ST6GALNAC3: variants seen among roughly 807,000 people sequenced by gnomAD.
The protein encoded by ST6GALNAC3 is alpha-N-acetylgalactosaminide alpha-2,6-sialyltransferase 3.
ST6GALNAC3 carries 25 observed loss-of-function variants against 32.7 expected under a neutral mutation model. The observed-to-expected ratio is 0.76, with a 90% CI of 0.56 to 1.07. The LOEUF (loss-of-function observed/expected upper bound fraction) is 1.07. ST6GALNAC3 is among the 50% of genes least tolerant of loss of function. The probability of loss-of-function intolerance (pLI) is 0.00; values close to 1 mark genes in which losing one functional copy is unlikely to be tolerated. For synonymous variants in ST6GALNAC3, 129 were observed against 133.1 expected, an observed-to-expected ratio of 0.97 and a Z score of 0.21; for missense variants, 355 against 382.4, an observed-to-expected ratio of 0.93 and a Z score of 0.60.
intron 3 of ST6GALNAC3, among the ~76,000 whole-genome samples, chr1:76,490,917 G>A (rs948287301): frequency 4.0e-5 from 6 of 150,584 alleles, no homozygotes; most frequent in Admixed American, 2.0e-4. Flanking sequence ...GGAGTGCAAT[G>A]GCGTGATCTC....
intron 1 of ST6GALNAC3, among the ~76,000 whole-genome samples, chr1:76,100,444 A>C (rs1179142532): frequency 3.9e-5 from 6 of 152,202 alleles, no homozygotes; most frequent in Non-Finnish European, 7.4e-5. Context: ...ATCTATTAAA[A>C]TTATTATATG....
chr1:76,227,210 A>C (rs1656125653), intron 1 of ST6GALNAC3, among the ~76,000 whole-genome samples: 1 of 152,156 alleles, frequency 6.6e-6, no homozygotes, highest in African/African-American at 2.4e-5. Context: ...CTCTGCATTC[A>C]GGAGTGCTAT....
intron 3 of ST6GALNAC3, among the ~76,000 whole-genome samples, chr1:76,620,424 G>A (rs341019): frequency 0.13 from 19,830 of 151,974 alleles, 2,339 homozygotes; most frequent in African/African-American, 0.32. Flanking sequence ...CCTGGCCATC[G>A]TATGTCAAAA....
chr1:76,141,409 A>G (rs1305010118), intron 1 of ST6GALNAC3, among the ~76,000 whole-genome samples: 1 of 152,190 alleles, frequency 6.6e-6, no homozygotes, highest in Non-Finnish European at 1.5e-5. Context: ...CTTCCAGCCA[A>G]ACCCTGAAGC....
chr1:76,552,685 T>C (rs1664706441), intron 3 of ST6GALNAC3, among the ~76,000 whole-genome samples: 1 of 152,240 alleles, frequency 6.6e-6, no homozygotes, highest in African/African-American at 2.4e-5. Flanking sequence ...TATGCTTTAA[T>C]ATAGCTTTGT....
chr1:76,398,159 CAA>C (rs66555658), intron 2 of ST6GALNAC3, among the ~76,000 whole-genome samples: 1 of 151,134 alleles, frequency 6.6e-6, no homozygotes, highest in Non-Finnish European at 1.5e-5. Context: ...TGATTTCCTA[CAA>C]AAAAAAAGAG....
intron 3 of ST6GALNAC3, among the ~76,000 whole-genome samples, chr1:76,459,547 G>A (rs1658130844): frequency 6.8e-6 from 1 of 147,802 alleles, no homozygotes; most frequent in Admixed American, 6.8e-5. Flanking sequence ...CTGGGCGACA[G>A]AGCAAGACTC....
At chr1:76,103,892 A>C (rs1247453023) in intron 1 of ST6GALNAC3, among the ~76,000 whole-genome samples, 1 of 152,174 alleles carries the variant, frequency 6.6e-6, no homozygotes. Context: ...AGCACCCTTA[A>C]TTCAGTCACA....
At chr1:76,397,853 C>G (rs1305078038) in intron 2 of ST6GALNAC3, among the ~76,000 whole-genome samples, 1 of 151,998 alleles carries the variant, frequency 6.6e-6, no homozygotes, top group Non-Finnish European at 1.5e-5. Flanking sequence ...CATGTTGTGG[C>G]TGGTTACCAT....
intron 3 of ST6GALNAC3, among the ~76,000 whole-genome samples, chr1:76,606,096 G>C (rs987965406): frequency 2.0e-5 from 3 of 152,024 alleles, no homozygotes; most frequent in African/African-American, 7.2e-5. Flanking sequence ...GGAGAAATAG[G>C]AACGCTTTTA....
At chr1:76,584,028 G>A (rs1646927239) in intron 3 of ST6GALNAC3, among the ~76,000 whole-genome samples, 1 of 151,958 alleles carries the variant, frequency 6.6e-6, no homozygotes, top group Non-Finnish European at 1.5e-5. Flanking sequence ...AATGTTTATT[G>A]GGCACTTGCT....
chr1:76,411,958 T>G (rs966394142), intron 2 of ST6GALNAC3, 50 bp from the exon 3 acceptor site: 1 of 1,568,500 alleles, frequency 6.4e-7, no homozygotes, highest in Non-Finnish European at 8.6e-7. Context: ...GGAACTTGTT[T>G]GACTAAGTGG....
Position 76,397,667 on chromosome 1 carries a change from C to G in ST6GALNAC3, c.214-14341C>G, listed in dbSNP as rs956461609. ...GGGATTACAGGCGTGAGCCACCATG[C>G]CCGGCCAAGGTGTTCATTTTTCTTA... On this transcript the variant is annotated intron_variant, in intron 2 of 4. Transcript: ENST00000328299. Among the ~76,000 whole-genome samples the G allele has an allele frequency of 3.3e-5, 5 of 152,156 alleles. No homozygotes were observed. The East Asian group carries it at 9.6e-4, about 29-fold the overall frequency.
intron 1 of ST6GALNAC3, among the ~76,000 whole-genome samples, chr1:76,144,977 C>T (rs1650586059): frequency 2.0e-5 from 3 of 152,158 alleles, no homozygotes; most frequent in Admixed American, 2.0e-4. Context: ...AATAATAATG[C>T]TTATCTTAAA....
intron 1 of ST6GALNAC3, among the ~76,000 whole-genome samples, chr1:76,189,136 G>A (rs560995438): frequency 3.9e-5 from 6 of 152,334 alleles, no homozygotes; most frequent in East Asian, 1.9e-4. Context: ...TCTTCCCATA[G>A]GAGAATGGAA....
chr1:76,528,409 G>A (rs1663049131), intron 3 of ST6GALNAC3, among the ~76,000 whole-genome samples: 1 of 152,070 alleles, frequency 6.6e-6, no homozygotes, highest in South Asian at 2.1e-4. Context: ...TCGGGATCCT[G>A]GAATTGGAGC....
At chr1:76,424,371 A>G (rs1411882957) in intron 3 of ST6GALNAC3, among the ~76,000 whole-genome samples, 1 of 151,934 alleles carries the variant, frequency 6.6e-6, no homozygotes, top group Non-Finnish European at 1.5e-5. Context: ...AAATGACTAT[A>G]TAACTGGTTC....
chr1:76,363,383 C>T (rs1557824419), intron 2 of ST6GALNAC3, among the ~76,000 whole-genome samples: 3 of 152,200 alleles, frequency 2.0e-5, no homozygotes, highest in Non-Finnish European at 4.4e-5. Context: ...ATAAGTTCCT[C>T]ATTTCCATCT....
intron 3 of ST6GALNAC3, among the ~76,000 whole-genome samples, chr1:76,536,349 C>A (rs1570155365): frequency 6.6e-6 from 1 of 152,076 alleles, no homozygotes; most frequent in East Asian, 1.9e-4. Flanking sequence ...TTAATTGACT[C>A]ACAGTTCAGC....
Sources: allele counts gnomAD v4.1 joint callset (sites outside exome capture counted in the v4.1 genomes callset), GRCh38; gene constraint gnomAD v4.1.1; transcripts MANE v1.5; gene names NCBI Gene and HGNC (gene_info 2026-07-23, HGNC 2026-07-21).